MYO3B: variants seen among roughly 807,000 people sequenced by gnomAD.
The protein encoded by MYO3B is myosin-IIIb.
A neutral mutation model predicts 174.6 loss-of-function variants in MYO3B; 156 were observed. That is an observed-to-expected ratio of 0.89 (90% CI 0.78 to 1.02). MYO3B has a LOEUF of 1.02. Among genes scored for constraint, MYO3B ranks in the 50% least tolerant of loss-of-function variants. The pLI is 0.00. For missense variants in MYO3B, 1,632 were observed against 1,639.4 expected (o/e 1.00, Z 0.08); for synonymous variants, 563 against 569.1 (o/e 0.99, Z 0.15).
rs1031074666 is a variant in MYO3B at position 170,533,479 on chromosome 2, G to C, written c.3576-9427G>C. ...ACATCCTCCAGTTACAGCATGAAAA[G>C]GGTGTAATAAATGGTCTCTGAAGTT... is the stretch of plus-strand genomic sequence containing the variant. On this transcript the variant is annotated intron_variant, in intron 30 of 34. Coordinates refer to ENST00000408978, the MANE Select transcript of MYO3B (RefSeq NM_138995.5). Among the ~76,000 whole-genome samples, 7 of 152,184 alleles carry C rather than the reference G, an allele frequency of 4.6e-5. No individual in the cohort carries two copies. In the East Asian group the frequency reaches 9.7e-4, roughly 21 times the overall value.
At chr2:170,478,752 G>A (rs931920939) in intron 25 of MYO3B, among the ~76,000 whole-genome samples, 1 of 150,112 alleles carries the variant, frequency 6.7e-6, no homozygotes, top group Non-Finnish European at 1.5e-5. Context: ...TGTATTTTTA[G>A]TAGAGATGGG....
intron 7 of MYO3B, among the ~76,000 whole-genome samples, chr2:170,249,235 A>G (rs960439882): frequency 6.6e-6 from 1 of 152,146 alleles, no homozygotes; most frequent in Non-Finnish European, 1.5e-5. Context: ...GAGCCTCACC[A>G]TTTTGGCTCT....
chr2:170,597,253 C>T (rs1031609163), intron 32 of MYO3B, among the ~76,000 whole-genome samples: 16 of 151,980 alleles, frequency 1.1e-4, no homozygotes, highest in African/African-American at 3.4e-4. Flanking sequence ...CACCTGTAAT[C>T]CCAGCTACTC....
At chr2:170,613,028 C>T (rs1320637909) in intron 32 of MYO3B, among the ~76,000 whole-genome samples, 3 of 152,144 alleles carry the variant, frequency 2.0e-5, no homozygotes, top group Non-Finnish European at 4.4e-5. Context: ...ACTGGCCATC[C>T]TGAGCAGGCG....
intron 32 of MYO3B, among the ~76,000 whole-genome samples, chr2:170,549,705 G>A (rs143663472): frequency 1.3e-5 from 2 of 152,138 alleles, no homozygotes; most frequent in African/African-American, 4.8e-5. Flanking sequence ...GGGATTTTCA[G>A]TGCTTACACC....
chr2:170,381,798 CT>C (rs948974553), intron 9 of MYO3B, among the ~76,000 whole-genome samples: 2 of 152,184 alleles, frequency 1.3e-5, no homozygotes, highest in African/African-American at 4.8e-5. Context: ...ACACTCCTCA[CT>C]CTGGCAGGAA....
intron 7 of MYO3B, among the ~76,000 whole-genome samples, chr2:170,267,979 G>T (rs182045424): frequency 5.9e-5 from 9 of 152,136 alleles, no homozygotes; most frequent in African/African-American, 2.2e-4. Flanking sequence ...AGGCCGAGGC[G>T]GGTGGATTAC....
intron 32 of MYO3B, among the ~76,000 whole-genome samples, chr2:170,553,995 C>T (rs1691108648): frequency 6.6e-6 from 1 of 152,156 alleles, no homozygotes; most frequent in Non-Finnish European, 1.5e-5. Flanking sequence ...TGAGGCCTCC[C>T]CAATCATGCC....
chr2:170,459,627 C>T (rs1257340869), intron 23 of MYO3B, among the ~76,000 whole-genome samples: 4 of 152,234 alleles, frequency 2.6e-5, no homozygotes, highest in African/African-American at 9.6e-5. Context: ...CGCCACACTC[C>T]TGCACTCCTC....
Position 170,391,603 on chromosome 2 carries a change from A to G in MYO3B, c.1661A>G (p.Glu554Gly). Residue 554 changes from glutamate to glycine, a missense_variant, in exon 15 of 35, where the codon GAG becomes GGG. Transcript: ENST00000408978. ...AAGCTTTCTGATTTCAGACTTCCTG[A>G]GGAAAAACCTCCTAGGTAAGTGTCA... ...QKKLSDFRLPEEKPPRYIADE... is the reference protein window; with the variant it reads ...QKKLSDFRLPGEKPPRYIADE... 6.3e-7 allele frequency: 1 copy of G among 1,580,092 alleles called. No individual in the cohort carries two copies. The highest frequency in any genetic ancestry group is 8.6e-7 in the Non-Finnish European group (1 of 1,162,800).
intron 16 of MYO3B, among the ~76,000 whole-genome samples, chr2:170,396,371 A>G (rs887593404): frequency 3.9e-5 from 6 of 152,084 alleles, no homozygotes; most frequent in South Asian, 4.2e-4. Flanking sequence ...ACATATAACT[A>G]ATTGAATTTT....
intron 19 of MYO3B, among the ~76,000 whole-genome samples, 177 bp from the exon 20 acceptor site, chr2:170,404,070 T>G (rs763917807): frequency 6.6e-6 from 1 of 152,234 alleles, no homozygotes; most frequent in Non-Finnish European, 1.5e-5. Context: ...AAGTCAGATT[T>G]AAGTGCACAG....
At chr2:170,457,181 C>A (rs944909850) in intron 23 of MYO3B, among the ~76,000 whole-genome samples, 3 of 152,126 alleles carry the variant, frequency 2.0e-5, no homozygotes, top group African/African-American at 7.2e-5. Flanking sequence ...AATATGAAGG[C>A]CTGAGACATT....
At chr2:170,396,486 A>G (rs896563145) in intron 16 of MYO3B, among the ~76,000 whole-genome samples, 6 of 152,142 alleles carry the variant, frequency 3.9e-5, no homozygotes, top group Admixed American at 2.0e-4. Flanking sequence ...AGTGGATGGA[A>G]TAGCCCAGAA....
Position 170,594,676 on chromosome 2 carries a change from G to A in MYO3B, c.3733+50688G>A, listed in dbSNP as rs114953521. On this transcript the variant is annotated intron_variant, in intron 32 of 34. Transcript: ENST00000408978. ...ACCCAGTAGCAGATGTGTTGAGGTA[G>A]ACTGTGCTTCAAGCTAAGACTTACC... Among the ~76,000 whole-genome samples, 403 of 152,266 alleles carry A rather than the reference G, an allele frequency of 2.6e-3. 2 individuals carry two copies. The highest frequency in any genetic ancestry group is 8.5e-3 in the African/African-American group (353 of 41,540).
intron 7 of MYO3B, among the ~76,000 whole-genome samples, chr2:170,323,743 A>G (rs955729273): frequency 6.6e-6 from 1 of 152,218 alleles, no homozygotes; most frequent in African/African-American, 2.4e-5. Flanking sequence ...TCACATAGTA[A>G]GTACTCAAGA....
chr2:170,643,657 C>T (rs10803851), intron 32 of MYO3B: 19,384 of 152,196 alleles, frequency 0.13, 1,333 homozygotes, highest in East Asian at 0.23. Context: ...AACCTGAGAA[C>T]GCCTCATCCA....
At chr2:170,610,730 G>A (rs1361581413) in intron 32 of MYO3B, among the ~76,000 whole-genome samples, 1 of 152,132 alleles carries the variant, frequency 6.6e-6, no homozygotes, top group Non-Finnish European at 1.5e-5. Flanking sequence ...TTTATCAGTT[G>A]AGAACTTTTA....
chr2:170,325,565 G>A (rs984858266), intron 7 of MYO3B, among the ~76,000 whole-genome samples: 5 of 152,122 alleles, frequency 3.3e-5, no homozygotes, highest in African/African-American at 1.2e-4. Flanking sequence ...TGTGGTTTCC[G>A]TCTTTTGATT....
Sources: allele counts gnomAD v4.1 joint callset (sites outside exome capture counted in the v4.1 genomes callset), GRCh38; gene constraint gnomAD v4.1.1; transcripts MANE v1.5; gene names NCBI Gene and HGNC (gene_info 2026-07-23, HGNC 2026-07-21).